Variants in NAV2 observed in about 807,000 individuals in gnomAD.
NAV2 encodes neuron navigator 2.
NAV2 carries 54 observed loss-of-function variants against 223.2 expected under a neutral mutation model. The ratio of observed to expected loss-of-function variants is 0.24; its 90% CI spans 0.19 to 0.30. The LOEUF is 0.30. NAV2 is among the 10% of genes least tolerant of loss of function. The probability of loss-of-function intolerance (pLI) is 1.00; values close to 1 mark genes in which losing one functional copy is unlikely to be tolerated. For synonymous variants in NAV2, 1,279 were observed against 1,239.3 expected, an observed-to-expected ratio of 1.03 and a Z score of -0.67; for missense variants, 2,806 against 3,147.5, an observed-to-expected ratio of 0.89 and a Z score of 2.60.
At chr11:19,440,059 T>C (rs878903875) in intron 1 of NAV2, among the ~76,000 whole-genome samples, 21 of 152,242 alleles carry the variant, frequency 1.4e-4, no homozygotes, top group African/African-American at 5.1e-4. Context: ...ATAGAAGCAT[T>C]CTTTCTTTAT....
chr11:19,632,064 TG>T (rs2047361567), intron 1 of NAV2, among the ~76,000 whole-genome samples: 2 of 152,172 alleles, frequency 1.3e-5, no homozygotes, highest in South Asian at 2.1e-4. Context: ...GCAGGCAGGG[TG>T]GGGGTGTGGG....
the NAV2 span, among the ~76,000 whole-genome samples, chr11:19,345,506 G>A: frequency 3.9e-5 from 6 of 152,348 alleles, no homozygotes; most frequent in Non-Finnish European, 8.8e-5. The surrounding 1 kb of genome is among the most constrained non-coding windows in gnomAD (Gnocchi z 5.2). Flanking sequence ...TCATTGAGAG[G>A]CTCGGGGGCC....
chr11:19,510,797 A>C (rs1434717587), intron 1 of NAV2: 9 of 152,104 alleles, frequency 5.9e-5, no homozygotes, highest in Admixed American at 5.2e-4. Flanking sequence ...CTTGCTTCTC[A>C]TGGCTGGGTC....
In NAV2 at chr11:20,118,827, G is replaced by A; in HGVS notation, c.*569G>A. 6.5e-6 allele frequency: 1 copy of A among 154,084 alleles called. No individual in the cohort carries two copies. Among genetic ancestry groups the A allele is most frequent in the Non-Finnish European group, 1.4e-5 (1 of 69,066 alleles). 9.5% of individuals were successfully genotyped at this position (154,084 alleles called of 1,614,324 possible). A position where few individuals can be genotyped will look rare whatever the true frequency, so the allele number is the denominator to read the frequency against. ...TTGGTCACGTTCAACGCACTACAGA[G>A]CTACGACACAGGGAAACCTTAGGAG... On this transcript the variant is annotated 3_prime_UTR_variant, in exon 38 of 38. Coordinates refer to ENST00000349880, the MANE Select transcript of NAV2 (RefSeq NM_145117.5).
Position 20,054,172 on chromosome 11 carries a change from A to T in NAV2, c.4574A>T (p.Asn1525Ile). 1 of 1,613,654 alleles carries T rather than the reference A, an allele frequency of 6.2e-7. No homozygotes were observed. ...GGAGGCCTTCAGGACACCGCTGCCA[A>T]TTCCCCCTTTTCCTCTGGCTCCAGC... is the stretch of plus-strand genomic sequence containing the variant. ...SAGGLQDTAA[N>I]SPFSSGSSVT... Residue 1525 changes from asparagine to isoleucine, a missense_variant, in exon 18 of 38, where the codon AAT (asparagine) becomes ATT (isoleucine). By Grantham distance (149) the Asn-to-Ile change is moderately radical (BLOSUM62 -3). Coordinates refer to ENST00000349880, the MANE Select transcript of NAV2 (RefSeq NM_145117.5).
intron 10 of NAV2, among the ~76,000 whole-genome samples, chr11:19,976,484 C>A (rs979684852): frequency 1.3e-5 from 2 of 152,194 alleles, no homozygotes; most frequent in African/African-American, 4.8e-5. Context: ...CCCCTGGGAC[C>A]TTTTGACTCC....
At chr11:20,010,292 G>C (rs2053458618) in intron 11 of NAV2, among the ~76,000 whole-genome samples, 1 of 152,120 alleles carries the variant, frequency 6.6e-6, no homozygotes, top group Non-Finnish European at 1.5e-5. Context: ...AATGGAATTG[G>C]TTTTGCAGAC....
chr11:19,951,957 T>G (rs866667986), intron 10 of NAV2, among the ~76,000 whole-genome samples: 7 of 152,232 alleles, frequency 4.6e-5, no homozygotes, highest in Admixed American at 6.5e-5. Flanking sequence ...ACCCTCAGCA[T>G]GAGGAGAGGT....
intron 1 of NAV2, among the ~76,000 whole-genome samples, chr11:19,582,681 T>A (rs887510942): frequency 1.3e-5 from 2 of 151,846 alleles, no homozygotes; most frequent in Admixed American, 1.3e-4. Context: ...GTTGTAGATA[T>A]GTGGCATTAT....
rs2060746009 is a variant in NAV2, at chr11:20,090,271, G to A, written c.5499-594G>A. ...CTCTGAGTCGGTTTGGAACTCAAGG[G>A]CGTGTGGTGTCATGGAAGCCCAGCT... is the stretch of plus-strand genomic sequence containing the variant. On this transcript the variant is annotated intron_variant, in intron 26 of 37. Coordinates refer to ENST00000349880, the MANE Select transcript of NAV2 (RefSeq NM_145117.5). Among the ~76,000 whole-genome samples, 4 of 152,290 alleles carry A rather than the reference G, an allele frequency of 2.6e-5. No individual in the cohort carries two copies. In the South Asian group the frequency reaches 8.3e-4, roughly 32 times the overall value.
Position 20,063,654 on chromosome 11 carries a change from C to T in NAV2, c.4884+1295C>T, listed in dbSNP as rs1048866052. 4.6e-5 allele frequency among the ~76,000 whole-genome samples: 7 copies of T among 152,184 alleles called. No homozygotes were observed. In the South Asian group the frequency reaches 6.2e-4, roughly 14 times the overall value. On this transcript the variant is annotated intron_variant, in intron 20 of 37. Coordinates refer to ENST00000349880, the MANE Select transcript of NAV2 (RefSeq NM_145117.5). Reference sequence around the variant, plus strand: ...CCTCCCGAAGTGTTGGGATTACAGGCGTGAGCCACCGCGCATGGCTATAGC... The same window carrying T: ...CCTCCCGAAGTGTTGGGATTACAGGTGTGAGCCACCGCGCATGGCTATAGC...
chr11:19,617,291 T>C (rs535571369), intron 1 of NAV2, among the ~76,000 whole-genome samples: 2 of 152,228 alleles, frequency 1.3e-5, no homozygotes, highest in East Asian at 3.9e-4. Flanking sequence ...TAGGTGGGTG[T>C]TAGGAGGACA....
chr11:20,051,068 T>C (rs1271151355), intron 16 of NAV2, among the ~76,000 whole-genome samples: 4 of 152,200 alleles, frequency 2.6e-5, no homozygotes, highest in Admixed American at 2.6e-4. Flanking sequence ...CCTGGTGACC[T>C]GGGGTAAAGT....
intron 1 of NAV2, among the ~76,000 whole-genome samples, chr11:19,431,531 T>G (rs902757605): frequency 1.3e-5 from 2 of 152,202 alleles, no homozygotes; most frequent in Admixed American, 1.3e-4. Flanking sequence ...GGAATTCTGT[T>G]GCACTAGAAC....
At chr11:19,938,199 C>T (rs960168134) in intron 7 of NAV2, among the ~76,000 whole-genome samples, 3 of 152,260 alleles carry the variant, frequency 2.0e-5, no homozygotes, top group South Asian at 2.1e-4. Context: ...GGGTTTAGAC[C>T]TTATTCTGTG....
chr11:19,529,832 T>A (rs1169661171), intron 1 of NAV2, among the ~76,000 whole-genome samples: 2 of 152,194 alleles, frequency 1.3e-5, no homozygotes, highest in Non-Finnish European at 2.9e-5. Flanking sequence ...TTCTAACTTC[T>A]GAATTAGTTG....
intron 3 of NAV2, among the ~76,000 whole-genome samples, chr11:19,866,954 A>G (rs575713585): frequency 2.0e-3 from 308 of 152,294 alleles, no homozygotes; most frequent in Non-Finnish European, 3.7e-3. Flanking sequence ...GGAGAGAATG[A>G]TAGGAAAAGG....
At chr11:19,367,812 T>C (rs1813496948) in intron 1 of NAV2, among the ~76,000 whole-genome samples, 1 of 152,214 alleles carries the variant, frequency 6.6e-6, no homozygotes, top group Non-Finnish European at 1.5e-5. Context: ...TTGGCTGACA[T>C]CCTCACAAGG....
Position 20,101,157 on chromosome 11 carries a change from C to T in NAV2, c.6402C>T (p.Asp2134=), listed in dbSNP as rs1331345684. Residue 2134 remains aspartate, a synonymous_variant, in exon 32 of 38, where the codon GAC becomes GAT. Coordinates refer to ENST00000349880, the MANE Select transcript of NAV2 (RefSeq NM_145117.5). Reference sequence around the variant, plus strand: ...GGGTTATCGCCACCTTTAACGTGGACCATAAGTCCAGCAAGGTGAGGAGGT... The same window carrying T: ...GGGTTATCGCCACCTTTAACGTGGATCATAAGTCCAGCAAGGTGAGGAGGT... The part of the protein sequence containing the change: ...TDGVIATFNV[D]HKSSKELRQY... The T allele has an allele frequency of 3.7e-6, 6 of 1,612,166 alleles. No homozygotes were observed.
Sources: allele counts gnomAD v4.1 joint callset (sites outside exome capture counted in the v4.1 genomes callset), GRCh38; gene constraint gnomAD v4.1.1; non-coding constraint Gnocchi (gnomAD v3.1); transcripts MANE v1.5; gene names NCBI Gene and HGNC (gene_info 2026-07-23, HGNC 2026-07-21).